NKAIN3: variants seen among roughly 807,000 people sequenced by gnomAD.
The protein encoded by NKAIN3 is sodium/potassium-transporting ATPase subunit beta-1-interacting protein 3.
NKAIN3 carries 25 observed loss-of-function variants against 30.2 expected under a neutral mutation model. That is an observed-to-expected ratio of 0.83 (90% CI 0.60 to 1.16). The LOEUF (loss-of-function observed/expected upper bound fraction) is 1.16. NKAIN3 is among the 50% of genes most tolerant of loss of function. The probability of loss-of-function intolerance (pLI) is 0.00; values close to 1 mark genes in which losing one functional copy is unlikely to be tolerated. For synonymous variants in NKAIN3, 91 were observed against 89.6 expected (o/e 1.02, Z -0.09); for missense variants, 225 against 254.1 (o/e 0.89, Z 0.78).
chr8:62,442,915 C>T (rs577442544), intron 1 of NKAIN3, among the ~76,000 whole-genome samples: 46 of 151,914 alleles, frequency 3.0e-4, no homozygotes, highest in Admixed American at 2.6e-3. Context: ...AATTATTTTT[C>T]ACTTGATCAG....
chr8:62,925,420 T>C (rs775493578), intron 5 of NKAIN3, among the ~76,000 whole-genome samples: 33 of 152,234 alleles, frequency 2.2e-4, no homozygotes, highest in Admixed American at 1.8e-3. Context: ...TGTGCACTTA[T>C]ATCTTTTATC....
At chr8:62,532,524 G>C (rs1463527828) in intron 1 of NKAIN3, among the ~76,000 whole-genome samples, 1 of 152,194 alleles carries the variant, frequency 6.6e-6, no homozygotes, top group Non-Finnish European at 1.5e-5. Flanking sequence ...TTTAAGAATT[G>C]ATGTCCCTGG....
At position 62,356,635 on chromosome 8, in the gene NKAIN3, G is replaced by T. The variant is rs180896568; in HGVS notation, c.54+107508G>T. ...CCTTGTTCTGGCTTTAATTCATTGT[G>T]TCTTGGCAGGCTCTATGATCACCTG... is the stretch of plus-strand genomic sequence containing the variant. On this transcript the variant is annotated intron_variant, in intron 1 of 6. Transcript: ENST00000623646. Among the ~76,000 whole-genome samples, 249 of 152,168 alleles carry T rather than the reference G, an allele frequency of 1.6e-3. 3 individuals carry two copies. The highest frequency in any genetic ancestry group is 0.012 in the Admixed American group (181 of 15,280).
At chr8:62,612,011 A>G (rs998564181) in intron 3 of NKAIN3, among the ~76,000 whole-genome samples, 4 of 151,954 alleles carry the variant, frequency 2.6e-5, no homozygotes, top group Non-Finnish European at 4.4e-5. Context: ...ATCTCATTTT[A>G]GTTTTGATTT....
intron 1 of NKAIN3, among the ~76,000 whole-genome samples, chr8:62,405,047 G>A (rs950109757): frequency 1.3e-5 from 2 of 152,170 alleles, no homozygotes; most frequent in Admixed American, 6.5e-5. Context: ...GTTTGGAAAT[G>A]TCACTGGAAG....
At chr8:62,609,566 C>A (rs1306840046) in intron 3 of NKAIN3, among the ~76,000 whole-genome samples, 1 of 151,906 alleles carries the variant, frequency 6.6e-6, no homozygotes, top group Non-Finnish European at 1.5e-5. Context: ...AATTTGCTCT[C>A]AAAGAGCTTT....
intron 1 of NKAIN3, among the ~76,000 whole-genome samples, chr8:62,488,562 A>G (rs559787322): frequency 1.3e-5 from 2 of 152,314 alleles, no homozygotes; most frequent in East Asian, 3.9e-4. Flanking sequence ...GAATGAATGA[A>G]TACATGAGGA....
In NKAIN3 at chr8:62,931,176, A is replaced by C. The variant is rs565104942; in HGVS notation, c.532+12663A>C. Among the ~76,000 whole-genome samples, 7 of 152,320 alleles carry C rather than the reference A, an allele frequency of 4.6e-5. No homozygotes were observed. In the South Asian group the frequency reaches 1.2e-3, roughly 27 times the overall value. On this transcript the variant is annotated intron_variant, in intron 5 of 6. Coordinates refer to ENST00000623646, the MANE Select transcript of NKAIN3 (RefSeq NM_001304533.3). Reference sequence around the variant, plus strand: ...ATAAACAAAACATTCGCTGGTTTTTAAGCTAATCCAGCAAATCTAATAAAT... The same window carrying C: ...ATAAACAAAACATTCGCTGGTTTTTCAGCTAATCCAGCAAATCTAATAAAT...
At chr8:62,347,693 T>G (rs78563498) in intron 1 of NKAIN3, among the ~76,000 whole-genome samples, 1 of 152,062 alleles carries the variant, frequency 6.6e-6, no homozygotes, top group Non-Finnish European at 1.5e-5. Flanking sequence ...GATGATTTTT[T>G]GAAAAAATGT....
intron 1 of NKAIN3, among the ~76,000 whole-genome samples, chr8:62,323,120 CA>C (rs1295068243): frequency 1.3e-5 from 2 of 152,262 alleles, no homozygotes; most frequent in Non-Finnish European, 2.9e-5. Context: ...GACAGTTTGG[CA>C]GTTTCTTATA....
intron 1 of NKAIN3, among the ~76,000 whole-genome samples, chr8:62,410,232 A>G (rs1241047897): frequency 2.6e-5 from 4 of 152,146 alleles, no homozygotes; most frequent in Middle Eastern, 3.4e-3. Context: ...TTAATTTCTG[A>G]CCCTGGTTAG....
At chr8:62,503,256 C>T (rs1807518639) in intron 1 of NKAIN3, among the ~76,000 whole-genome samples, 1 of 152,110 alleles carries the variant, frequency 6.6e-6, no homozygotes, top group South Asian at 2.1e-4. Context: ...CCGTGATGCC[C>T]ACCTGAGCCG....
chr8:62,932,920 T>C (rs1822663487), intron 5 of NKAIN3, among the ~76,000 whole-genome samples: 1 of 151,182 alleles, frequency 6.6e-6, no homozygotes, highest in African/African-American at 2.4e-5. Flanking sequence ...AGGCATCCAG[T>C]GGTAGATAAA....
chr8:62,855,888 A>G (rs932108025), intron 4 of NKAIN3: 2 of 768,294 alleles, frequency 2.6e-6, no homozygotes, highest in African/African-American at 3.4e-5. Context: ...CACAAAATAA[A>G]GAGAGATGTT....
intron 4 of NKAIN3, among the ~76,000 whole-genome samples, chr8:62,913,461 C>T (rs547597704): frequency 3.3e-5 from 5 of 152,210 alleles, no homozygotes; most frequent in South Asian, 4.2e-4. Context: ...TGCTGTTATG[C>T]GATGCGTGAC....
At chr8:62,960,520 A>G (rs1157985842) in intron 6 of NKAIN3, among the ~76,000 whole-genome samples, 1 of 152,124 alleles carries the variant, frequency 6.6e-6, no homozygotes, top group Non-Finnish European at 1.5e-5. Context: ...CTGAAAAAAA[A>G]AATCAACAAC....
intron 4 of NKAIN3, among the ~76,000 whole-genome samples, chr8:62,800,985 G>T (rs1336649086): frequency 6.6e-6 from 1 of 152,176 alleles, no homozygotes; most frequent in Non-Finnish European, 1.5e-5. Flanking sequence ...GGCTCGGAGG[G>T]TCCTACACCC....
rs80039113 is a variant in NKAIN3 at position 62,478,862 on chromosome 8, A to G, written c.55-100677A>G. On this transcript the variant is annotated intron_variant, in intron 1 of 6. Coordinates refer to ENST00000623646, the MANE Select transcript of NKAIN3 (RefSeq NM_001304533.3). ...AAATTGCATTGGTCACCAAATACTC[A>G]TAGAACTTTCAAGGTAGTGTGCTGG... Among the ~76,000 whole-genome samples, 1,081 of 152,276 alleles carry G rather than the reference A, an allele frequency of 7.1e-3. 11 individuals are homozygous for G. Among genetic ancestry groups the G allele is most frequent in the African/African-American group, 0.024 (978 of 41,556 alleles).
At chr8:62,488,413 A>G (rs976387043) in intron 1 of NKAIN3, among the ~76,000 whole-genome samples, 3 of 152,190 alleles carry the variant, frequency 2.0e-5, no homozygotes, top group African/African-American at 7.2e-5. Flanking sequence ...CACTTGCCTC[A>G]TCATTTTATG....
Sources: allele counts gnomAD v4.1 joint callset (sites outside exome capture counted in the v4.1 genomes callset), GRCh38; gene constraint gnomAD v4.1.1; transcripts MANE v1.5; gene names NCBI Gene and HGNC (gene_info 2026-07-23, HGNC 2026-07-21).